Variants in PRDM10 observed in about 807,000 individuals in gnomAD.
PRDM10 encodes the protein PR domain zinc finger protein 10.
Under a neutral mutation model 133.1 loss-of-function variants are expected in PRDM10, and 65 were observed. The observed-to-expected ratio is 0.49, with a 90% CI of 0.40 to 0.60. The LOEUF (loss-of-function observed/expected upper bound fraction) is 0.60, where lower values mean the gene tolerates loss of function less well. PRDM10 is among the 20% of genes least tolerant of loss of function. The pLI is 0.00. For missense variants in PRDM10, 1,137 were observed against 1,507.1 expected (o/e 0.75, Z 4.07); for synonymous variants, 582 against 580.4 (o/e 1.00, Z -0.04).
At chr11:129,985,884 C>T (rs1407013218) in intron 1 of PRDM10, among the ~76,000 whole-genome samples, 2 of 140,028 alleles carry the variant, frequency 1.4e-5, no homozygotes, top group Non-Finnish European at 3.0e-5. Context: ...TCTTATAACC[C>T]AAGGTATAGA....
At position 129,900,431 on chromosome 11, in the gene PRDM10, T is replaced by C. The variant is rs1433700172; in HGVS notation, c.*1882A>G. 1.3e-5 allele frequency: 2 copies of C among 152,728 alleles called. No homozygotes were observed. The highest frequency in any genetic ancestry group is 2.9e-5 in the Non-Finnish European group (2 of 68,044). 9.5% of individuals were successfully genotyped at this position (152,728 alleles called of 1,614,324 possible). ...CTTCCACAATATTTTCCTCTGTGTA[T>C]TTTAAAACTTAAAACAACTGCCATA... On this transcript the variant is annotated 3_prime_UTR_variant, in exon 21 of 21. Transcript: ENST00000360871.
intron 8 of PRDM10, among the ~76,000 whole-genome samples, chr11:129,935,868 C>T (rs1951013622): frequency 6.6e-6 from 1 of 152,226 alleles, no homozygotes. Context: ...ACTGGAATTT[C>T]CTGAGTAACA....
At chr11:129,991,643 A>C (rs2135994558) in intron 1 of PRDM10, among the ~76,000 whole-genome samples, 1 of 152,168 alleles carries the variant, frequency 6.6e-6, no homozygotes, top group African/African-American at 2.4e-5. Context: ...ACATGGTGAA[A>C]CCCCATCTCT....
chr11:129,948,217 A>T (rs933439642), intron 4 of PRDM10: 1 of 403,720 alleles, frequency 2.5e-6, no homozygotes, highest in Non-Finnish European at 4.9e-6. Context: ...CTCCAATCTA[A>T]GTGTTATGGG....
At chr11:129,954,732 G>C (rs1281557964) in intron 4 of PRDM10, among the ~76,000 whole-genome samples, 1 of 152,168 alleles carries the variant, frequency 6.6e-6, no homozygotes, top group African/African-American at 2.4e-5. Flanking sequence ...GAGTGCAGTA[G>C]TGCAATCAAA....
intron 1 of PRDM10, among the ~76,000 whole-genome samples, chr11:129,989,805 A>C (rs995301422): frequency 6.6e-6 from 1 of 152,220 alleles, no homozygotes; most frequent in African/African-American, 2.4e-5. Flanking sequence ...TTAACACTAC[A>C]ATATGTAATA....
At chr11:129,958,398 T>C (rs1300304720) in intron 2 of PRDM10, among the ~76,000 whole-genome samples, 1 of 152,100 alleles carries the variant, frequency 6.6e-6, no homozygotes, top group African/African-American at 2.4e-5. Flanking sequence ...TCCCAGCACT[T>C]TGGGAGGCCG....
rs549222869 is a variant in PRDM10, at chr11:129,997,129, A to G, written c.-119+5593T>C. Among the ~76,000 whole-genome samples the G allele has an allele frequency of 1.9e-4, 29 of 152,210 alleles. 1 individual carries two copies. The highest frequency in any genetic ancestry group is 4.1e-4 in the Non-Finnish European group (28 of 68,032). The stretch of plus-strand genomic sequence containing the variant: ...AAACTGTCAACGGTGCAAACGTGGA[A>G]GTAAAAAAATATGGATTTTACGTGT... On this transcript the variant is annotated intron_variant, in intron 1 of 20. Coordinates refer to ENST00000360871, the MANE Select transcript of PRDM10 (RefSeq NM_199437.2).
At chr11:129,939,739 T>A (rs547477129) in intron 7 of PRDM10, among the ~76,000 whole-genome samples, 1 of 152,354 alleles carries the variant, frequency 6.6e-6, no homozygotes, top group South Asian at 2.1e-4. Context: ...CTGAAAGCCA[T>A]GCAAGGCTGG....
Position 129,910,630 on chromosome 11 carries a change from T to C in PRDM10, c.3009A>G (p.Ser1003=), listed in dbSNP as rs1178433752. The C allele has an allele frequency of 3.1e-6, 5 of 1,594,446 alleles. No homozygotes were observed. Among genetic ancestry groups the C allele is most frequent in the African/African-American group, 1.3e-5 (1 of 74,116 alleles). The stretch of plus-strand genomic sequence containing the variant: ...TGAGCCCCTGCTGAGCCTGCTGGGC[T>C]GAGGGACTCAACGGCTGCCCAGATA... The part of the protein sequence containing the change: ...AQVSGQPLSP[S]AQQAQQGLSP... The change falls in exon 19 of 21, where the codon TCA becomes TCG. Residue 1003 remains serine, a synonymous_variant. Coordinates refer to ENST00000360871, the MANE Select transcript of PRDM10 (RefSeq NM_199437.2).
chr11:129,992,213 A>G (rs976347481), intron 1 of PRDM10, among the ~76,000 whole-genome samples: 1 of 152,220 alleles, frequency 6.6e-6, no homozygotes, highest in Admixed American at 6.5e-5. Flanking sequence ...TTTAAAAATC[A>G]GTATAATCAT....
chr11:129,966,818 A>G (rs1467052123), intron 1 of PRDM10, among the ~76,000 whole-genome samples: 2 of 152,170 alleles, frequency 1.3e-5, no homozygotes, highest in Non-Finnish European at 2.9e-5. Context: ...TCCTGGAGAC[A>G]GTGGTGTGCC....
chr11:129,944,896 A>G lies in PRDM10; in HGVS notation c.637T>C (p.Tyr213His), dbSNP rs773890843. The change falls in exon 6 of 21, where the codon TAC (tyrosine) becomes CAC (histidine). Residue 213 changes from tyrosine (Y) to histidine (H), a missense_variant. Physicochemically the swap from Tyr to His is moderately conservative, Grantham distance 83 (BLOSUM62 2). Around this residue, in one of 6 missense-constraint regions of PRDM10, gnomAD observed 635 missense variants for 835.2 expected, o/e 0.76. Coordinates refer to ENST00000360871, the MANE Select transcript of PRDM10 (RefSeq NM_199437.2). ...ACCCCGCCCAGAAACCTGTCTATGT[A>G]GAGCACCAGGGGGAGGCTCGCCCTG... ...RARASLPLVLYIDRFLGGVFS... is the reference protein window; with the variant it reads ...RARASLPLVLHIDRFLGGVFS... 1.9e-6 allele frequency: 3 copies of G among 1,614,144 alleles called. No homozygotes were observed. The East Asian group carries it at 6.7e-5, about 36-fold the overall frequency.
intron 1 of PRDM10, among the ~76,000 whole-genome samples, chr11:129,968,688 G>C (rs542319514): frequency 1.1e-4 from 16 of 150,284 alleles, no homozygotes; most frequent in African/African-American, 3.7e-4. Context: ...CCCCCAGGAC[G>C]TAGGACTCAG....
chr11:129,905,916 G>C (rs1357393256), intron 19 of PRDM10, among the ~76,000 whole-genome samples, 175 bp from the exon 20 acceptor site: 1 of 152,180 alleles, frequency 6.6e-6, no homozygotes, highest in Non-Finnish European at 1.5e-5. Context: ...AGAAGAGCCT[G>C]GTACGCAGAT....
At position 129,902,221 on chromosome 11, in the gene PRDM10, T is replaced by A; in HGVS notation, c.*92A>T. ...GGTTTCCGAACTCTTGAGTGAATAATAAATCTTACAAAAGAGCTCTACGTG... is the reference window on the plus strand; with the variant it reads ...GGTTTCCGAACTCTTGAGTGAATAAAAAATCTTACAAAAGAGCTCTACGTG... On this transcript the variant is annotated 3_prime_UTR_variant, in exon 21 of 21. Coordinates refer to ENST00000360871, the MANE Select transcript of PRDM10 (RefSeq NM_199437.2). The A allele has an allele frequency of 6.8e-7, 1 of 1,469,976 alleles. No individual in the cohort carries two copies. Among genetic ancestry groups the A allele is most frequent in the Non-Finnish European group, 9.2e-7 (1 of 1,085,596 alleles). 91.1% of individuals were successfully genotyped at this position (1,469,976 alleles called of 1,614,324 possible). A position where few individuals can be genotyped will look rare whatever the true frequency, so the allele number is the denominator to read the frequency against.
At chr11:129,930,612 A>G (rs2135810173) in intron 11 of PRDM10, among the ~76,000 whole-genome samples, 1 of 152,352 alleles carries the variant, frequency 6.6e-6, no homozygotes, top group East Asian at 1.9e-4. Flanking sequence ...GAAGCTGTAG[A>G]TAAGCACATT....
intron 19 of PRDM10, 93 bp downstream of exon 19, chr11:129,910,383 A>G (rs1950148652): frequency 6.5e-7 from 1 of 1,532,526 alleles, no homozygotes; most frequent in African/African-American, 1.4e-5. Context: ...GCCAAGAGAT[A>G]CTTTAAAAAT....
At chr11:129,944,450 T>C (rs1037067428) in intron 6 of PRDM10, among the ~76,000 whole-genome samples, 2 of 151,978 alleles carry the variant, frequency 1.3e-5, no homozygotes, top group African/African-American at 2.4e-5. Context: ...CCGGGCGTGG[T>C]GGCGGGCGCC....
Sources: allele counts gnomAD v4.1 joint callset (sites outside exome capture counted in the v4.1 genomes callset), GRCh38; gene constraint gnomAD v4.1.1; regional missense constraint gnomAD v4.1.1; transcripts MANE v1.5; gene names NCBI Gene and HGNC (gene_info 2026-07-23, HGNC 2026-07-21).